Variants in CYP7B1 observed in about 807,000 individuals in gnomAD.
The protein encoded by CYP7B1 is cytochrome P450 family 7 subfamily B member 1, also known as cytochrome P450 7B1.
Under a neutral mutation model 42.7 loss-of-function variants are expected in CYP7B1, and 29 were observed. That is an observed-to-expected ratio of 0.68 (90% confidence interval 0.51 to 0.93). CYP7B1 has a LOEUF of 0.93. CYP7B1 is among the 40% of genes least tolerant of loss of function. The pLI, the probability that CYP7B1 is intolerant of heterozygous loss-of-function variation, is 0.00. For synonymous variants in CYP7B1, 235 were observed against 218.2 expected, an observed-to-expected ratio of 1.08 and a Z score of -0.68; for missense variants, 655 against 600.5, an observed-to-expected ratio of 1.09 and a Z score of -0.95.
chr8:64,622,193 A>G (rs1234839883), intron 2 of CYP7B1, among the ~76,000 whole-genome samples: 1 of 152,274 alleles, frequency 6.6e-6, no homozygotes. Context: ...TTTGCATAAT[A>G]CTGCATAAAA....
intron 1 of CYP7B1, among the ~76,000 whole-genome samples, chr8:64,781,753 G>A (rs1234650326): frequency 6.6e-6 from 1 of 152,078 alleles, no homozygotes; most frequent in East Asian, 1.9e-4. Flanking sequence ...CCTTTGCCAT[G>A]TAACCGAACA....
intron 1 of CYP7B1, among the ~76,000 whole-genome samples, chr8:64,666,740 T>G (rs745354226): frequency 1.3e-5 from 2 of 152,230 alleles, no homozygotes; most frequent in Non-Finnish European, 2.9e-5. Context: ...AACAGTATTG[T>G]CACTGTTATT....
chr8:64,614,085 G>T (rs190410282), intron 4 of CYP7B1, among the ~76,000 whole-genome samples: 2 of 152,140 alleles, frequency 1.3e-5, no homozygotes, highest in African/African-American at 2.4e-5. Context: ...AAAGGATACC[G>T]CAGGATGAAA....
At chr8:64,617,389 G>T (rs1805464540) in intron 2 of CYP7B1, among the ~76,000 whole-genome samples, 1 of 152,076 alleles carries the variant, frequency 6.6e-6, no homozygotes, top group Non-Finnish European at 1.5e-5. Context: ...TTTACCATCT[G>T]CATTTATCAG....
In CYP7B1 at chr8:64,668,622, A is replaced by G. The variant is rs537382079; in HGVS notation, c.123-44083T>C. On this transcript the variant is annotated intron_variant, in intron 1 of 5. Transcript: ENST00000310193. ...GGATTGGTCTGGCAACTTACTTGAC[A>G]TAGTAGTACATGAAATAAGAATTTG... Among the ~76,000 whole-genome samples, 3 of 152,014 alleles carry G rather than the reference A, an allele frequency of 2.0e-5. No homozygotes were observed. In the East Asian group the frequency reaches 5.8e-4, roughly 29 times the overall value.
At chr8:64,691,073 T>C (rs1806732686) in intron 1 of CYP7B1, among the ~76,000 whole-genome samples, 1 of 152,098 alleles carries the variant, frequency 6.6e-6, no homozygotes, top group Admixed American at 6.6e-5. Flanking sequence ...GGTTTAACAA[T>C]GACAGTGAGG....
chr8:64,662,661 TA>T (rs1285569592), intron 1 of CYP7B1, among the ~76,000 whole-genome samples: 1 of 152,132 alleles, frequency 6.6e-6, no homozygotes, highest in Non-Finnish European at 1.5e-5. Context: ...GGCATTTAAA[TA>T]GTAATGATCA....
intron 1 of CYP7B1, among the ~76,000 whole-genome samples, chr8:64,705,231 G>GC (rs1279017583): frequency 6.6e-6 from 1 of 151,262 alleles, no homozygotes; most frequent in African/African-American, 2.4e-5. Flanking sequence ...CAAAAAGGTG[G>GC]GGGGGGGAAT....
At chr8:64,640,786 A>C (rs192604739) in intron 1 of CYP7B1, among the ~76,000 whole-genome samples, 1 of 152,264 alleles carries the variant, frequency 6.6e-6, no homozygotes, top group Admixed American at 6.5e-5. Context: ...ACACTACCCA[A>C]AGAAAATTAG....
chr8:64,680,879 C>T (rs1450248612), intron 1 of CYP7B1, among the ~76,000 whole-genome samples: 7 of 152,160 alleles, frequency 4.6e-5, no homozygotes, highest in Admixed American at 6.5e-5. Flanking sequence ...GAGCTCATGC[C>T]ATCTTCACTT....
intron 1 of CYP7B1, among the ~76,000 whole-genome samples, chr8:64,704,916 T>G (rs563856017): frequency 6.6e-6 from 1 of 152,180 alleles, no homozygotes; most frequent in South Asian, 2.1e-4. Context: ...TACACTTACT[T>G]AGTTCCACTG....
intron 1 of CYP7B1, 30 bp from the exon 2 acceptor site, chr8:64,624,569 C>A: frequency 6.2e-7 from 1 of 1,608,346 alleles, no homozygotes; most frequent in Non-Finnish European, 8.5e-7. Flanking sequence ...GATAAAAGAA[C>A]AAAAGAAAAA....
At chr8:64,694,548 G>T (rs1806795728) in intron 1 of CYP7B1, among the ~76,000 whole-genome samples, 1 of 152,226 alleles carries the variant, frequency 6.6e-6, no homozygotes, top group Non-Finnish European at 1.5e-5. Context: ...GGGACTGCCT[G>T]TGCTGGTCCA....
intron 1 of CYP7B1, among the ~76,000 whole-genome samples, chr8:64,757,153 T>C (rs1240604348): frequency 6.6e-6 from 1 of 152,184 alleles, no homozygotes; most frequent in African/African-American, 2.4e-5. Context: ...TGAAAGAATA[T>C]GGGCTTAGGA....
intron 3 of CYP7B1, 47 bp downstream of exon 3, chr8:64,615,644 T>C (rs755992555): frequency 5.7e-6 from 9 of 1,568,040 alleles, no homozygotes; most frequent in East Asian, 2.2e-5. Context: ...CAGAGGTCTA[T>C]TGTAAATGAT....
chr8:64,587,667 A>G (rs150625482), downstream of CYP7B1: 10 of 152,364 alleles, frequency 6.6e-5, no homozygotes, highest in East Asian at 1.9e-3. Flanking sequence ...TACTCGTCTT[A>G]ACAAATCCAG....
At chr8:64,780,979 G>C (rs549535273) in intron 1 of CYP7B1, among the ~76,000 whole-genome samples, 1 of 152,062 alleles carries the variant, frequency 6.6e-6, no homozygotes, top group Non-Finnish European at 1.5e-5. Flanking sequence ...TTTTCAAAAC[G>C]ATTTTTAAAA....
intron 2 of CYP7B1, among the ~76,000 whole-genome samples, chr8:64,618,048 T>G (rs1805472710): frequency 6.7e-6 from 1 of 148,878 alleles, no homozygotes; most frequent in Admixed American, 6.8e-5. Flanking sequence ...AAAGCTGTCT[T>G]CTACAAGGTA....
chr8:64,718,525 G>A (rs1807190745), intron 1 of CYP7B1, among the ~76,000 whole-genome samples: 1 of 152,228 alleles, frequency 6.6e-6, no homozygotes, highest in Non-Finnish European at 1.5e-5. Context: ...TGGTCCAGCT[G>A]CTCAGAAATT....
Sources: gnomAD v4.1 joint callset for allele counts (sites outside exome capture counted in the v4.1 genomes callset) on GRCh38, gnomAD v4.1.1 for gene constraint, MANE v1.5 for transcripts, NCBI Gene and HGNC (gene_info 2026-07-23, HGNC 2026-07-21) for gene names.